Variants in ERBB4 observed in about 807,000 individuals in gnomAD.
The protein encoded by ERBB4 is erb-b2 receptor tyrosine kinase 4.
In ERBB4, 42 loss-of-function variants were observed where a neutral mutation model predicts 158.0. The ratio of observed to expected loss-of-function variants is 0.27; its 90% confidence interval spans 0.21 to 0.34. ERBB4 has a LOEUF of 0.34. ERBB4 is among the 10% of genes least tolerant of loss of function. The probability of loss-of-function intolerance (pLI) is 1.00; values close to 1 mark genes in which losing one functional copy is unlikely to be tolerated. For missense variants in ERBB4, 1,333 were observed against 1,624.1 expected (o/e 0.82, Z 3.08); for synonymous variants, 583 against 558.7 (o/e 1.04, Z -0.61).
At chr2:211,897,547 T>G (rs1235371549) in intron 3 of ERBB4, among the ~76,000 whole-genome samples, 1 of 152,066 alleles carries the variant, frequency 6.6e-6, no homozygotes, top group Non-Finnish European at 1.5e-5. Context: ...CCACTTTGTT[T>G]CCTGTGCTGG....
intron 1 of ERBB4, among the ~76,000 whole-genome samples, chr2:212,252,028 G>A (rs1313291098): frequency 6.6e-6 from 1 of 151,950 alleles, no homozygotes; most frequent in Non-Finnish European, 1.5e-5. Flanking sequence ...AATGTGGTTG[G>A]ATTCTAGATA....
intron 1 of ERBB4, among the ~76,000 whole-genome samples, chr2:212,390,060 G>C (rs2090808827): frequency 6.6e-6 from 1 of 151,848 alleles, no homozygotes; most frequent in Non-Finnish European, 1.5e-5. Context: ...TAATGGCCAA[G>C]TTGAAGAGGC....
intron 5 of ERBB4, among the ~76,000 whole-genome samples, chr2:211,742,195 GC>G (rs1441194478): frequency 1.3e-5 from 2 of 152,130 alleles, no homozygotes; most frequent in East Asian, 1.9e-4. Context: ...GCTCCCACTT[GC>G]TTTTCTCTGC....
At chr2:211,621,893 GA>G (rs1382117707) in intron 18 of ERBB4, among the ~76,000 whole-genome samples, 1 of 151,908 alleles carries the variant, frequency 6.6e-6, no homozygotes, top group Non-Finnish European at 1.5e-5. Flanking sequence ...TTTTTCTACT[GA>G]CTTGTCCTAT....
intron 1 of ERBB4, among the ~76,000 whole-genome samples, chr2:212,479,807 T>C (rs756797151): frequency 6.6e-6 from 1 of 152,174 alleles, no homozygotes; most frequent in Admixed American, 6.6e-5. Context: ...GGCAAGAGAC[T>C]AGAATTGAAA....
chr2:211,446,008 G>A (rs1407914897), intron 20 of ERBB4, among the ~76,000 whole-genome samples: 3 of 152,196 alleles, frequency 2.0e-5, no homozygotes, highest in African/African-American at 7.2e-5. Flanking sequence ...CAAAGGAAAT[G>A]TTGGAATCTG....
intron 5 of ERBB4, among the ~76,000 whole-genome samples, chr2:211,731,411 T>C (rs539375061): frequency 2.6e-5 from 4 of 152,276 alleles, no homozygotes; most frequent in African/African-American, 9.6e-5. Context: ...TGTTTCCAGT[T>C]ACATACTTGG....
At chr2:211,569,053 A>G (rs2067636635) in intron 19 of ERBB4, among the ~76,000 whole-genome samples, 1 of 152,180 alleles carries the variant, frequency 6.6e-6, no homozygotes, top group South Asian at 2.1e-4. Context: ...ATTGCTCAGT[A>G]GCCTTACCAC....
At chr2:211,823,205 T>G (rs1442577421) in intron 3 of ERBB4, among the ~76,000 whole-genome samples, 3 of 151,986 alleles carry the variant, frequency 2.0e-5, no homozygotes, top group Admixed American at 2.0e-4. Flanking sequence ...TTTATTAGGA[T>G]GTTTTTGGAT....
intron 1 of ERBB4, among the ~76,000 whole-genome samples, chr2:212,358,214 C>T (rs1022547445): frequency 2.6e-5 from 4 of 151,718 alleles, no homozygotes; most frequent in South Asian, 2.1e-4. Flanking sequence ...AAAATACTTA[C>T]GTGACCTGTG....
At chr2:211,784,068 A>G (rs2076099498) in intron 4 of ERBB4, among the ~76,000 whole-genome samples, 1 of 152,118 alleles carries the variant, frequency 6.6e-6, no homozygotes, top group Admixed American at 6.6e-5. Flanking sequence ...CTATTCGGGG[A>G]TTCAACTTCT....
chr2:212,309,491 G>A (rs959778634), intron 1 of ERBB4, among the ~76,000 whole-genome samples: 4 of 150,804 alleles, frequency 2.7e-5, no homozygotes, highest in Non-Finnish European at 6.0e-5. Flanking sequence ...AGATTATCAT[G>A]AGACTAAAAG....
At chr2:211,446,745 A>G (rs923601428) in intron 20 of ERBB4, among the ~76,000 whole-genome samples, 6 of 152,170 alleles carry the variant, frequency 3.9e-5, no homozygotes, top group African/African-American at 1.4e-4. Context: ...AAAAAAGTGT[A>G]TTCTAAAACA....
intron 20 of ERBB4, among the ~76,000 whole-genome samples, chr2:211,514,996 C>G (rs10191594): frequency 0.43 from 65,607 of 151,742 alleles, 14,341 homozygotes; most frequent in African/African-American, 0.48. Context: ...ATGTACAGTA[C>G]GAAATGAAAA....
At chr2:211,574,343 TA>T (rs2125752968) in intron 19 of ERBB4, among the ~76,000 whole-genome samples, 1 of 152,322 alleles carries the variant, frequency 6.6e-6, no homozygotes, top group South Asian at 2.1e-4. Flanking sequence ...AAAAGATGGC[TA>T]AAGTAGATTT....
At position 212,278,320 on chromosome 2, in the gene ERBB4, T is replaced by C. The variant is rs554093045; in HGVS notation, c.83-153417A>G. ...GCACAAGGGTCCTTTATTTTATTTTTTGTGTAACAGACAATTTGAAGATTT... is the reference window on the plus strand; with the variant it reads ...GCACAAGGGTCCTTTATTTTATTTTCTGTGTAACAGACAATTTGAAGATTT... On this transcript the variant is annotated intron_variant, in intron 1 of 27. Coordinates refer to ENST00000342788, the MANE Select transcript of ERBB4 (RefSeq NM_005235.3). 5.9e-5 allele frequency among the ~76,000 whole-genome samples: 9 copies of C among 151,894 alleles called. No individual in the cohort carries two copies. In the East Asian group the frequency reaches 1.8e-3, roughly 30 times the overall value.
intron 19 of ERBB4, among the ~76,000 whole-genome samples, chr2:211,596,865 A>G (rs965186605): frequency 6.6e-6 from 1 of 152,036 alleles, no homozygotes; most frequent in African/African-American, 2.4e-5. Flanking sequence ...CCCGGGTTCA[A>G]GTGATTCTCC....
At chr2:211,622,962 CAAAAAAA>C (rs1157306563) in intron 18 of ERBB4, among the ~76,000 whole-genome samples, 16 of 11,708 alleles carry the variant, frequency 1.4e-3, no homozygotes, top group African/African-American at 7.6e-3. Context: ...GACTCCATCT[CAAAAAAA>C]AAAAAAAAAA....
chr2:211,982,420 A>G (rs1575470625), intron 2 of ERBB4, among the ~76,000 whole-genome samples: 1 of 152,368 alleles, frequency 6.6e-6, no homozygotes, highest in Admixed American at 6.5e-5. Context: ...AATGTTCCAC[A>G]AAAAGGGGAT....
Sources: allele counts gnomAD v4.1 joint callset (sites outside exome capture counted in the v4.1 genomes callset), GRCh38; gene constraint gnomAD v4.1.1; transcripts MANE v1.5; gene names NCBI Gene and HGNC (gene_info 2026-07-23, HGNC 2026-07-21).